The following TGFBR3 variants were observed in gnomAD, a reference collection of about 807,000 sequenced individuals.
The protein encoded by TGFBR3 is transforming growth factor beta receptor 3.
A neutral mutation model predicts 87.9 loss-of-function variants in TGFBR3; 46 were observed. The ratio of observed to expected loss-of-function variants is 0.52; its 90% CI spans 0.41 to 0.67. The LOEUF is 0.67. Among genes scored for constraint, TGFBR3 ranks in the 30% least tolerant of loss-of-function variants. TGFBR3 has a pLI of 0.00. For missense variants in TGFBR3, 866 were observed against 1,041.9 expected, an observed-to-expected ratio of 0.83 and a Z score of 2.32; for synonymous variants, 381 against 391.6, an observed-to-expected ratio of 0.97 and a Z score of 0.32.
intron 3 of TGFBR3, among the ~76,000 whole-genome samples, chr1:91,796,455 C>T (rs534145038): frequency 3.9e-5 from 6 of 152,292 alleles, no homozygotes; most frequent in Non-Finnish European, 5.9e-5. Context: ...TCACCATCTC[C>T]GCTAATGTCA....
chr1:91,691,399 G>C (rs1671260423), intron 16 of TGFBR3, among the ~76,000 whole-genome samples: 3 of 152,174 alleles, frequency 2.0e-5, no homozygotes, highest in Admixed American at 2.0e-4. Context: ...TATACAAAAG[G>C]GATCAGGAAT....
chr1:91,790,709 G>T (rs1644627778), intron 3 of TGFBR3, among the ~76,000 whole-genome samples: 1 of 152,162 alleles, frequency 6.6e-6, no homozygotes, highest in South Asian at 2.1e-4. Flanking sequence ...ATAGCCCTGG[G>T]TTTTTTGTTT....
rs1670945156 is a variant in TGFBR3, at chr1:91,682,508, T to C, written c.*1231A>G. 1 of 453,366 alleles carries C rather than the reference T, an allele frequency of 2.2e-6. No homozygotes were observed. Among genetic ancestry groups the C allele is most frequent in the African/African-American group, 2.0e-5 (1 of 49,786 alleles). 28.1% of individuals were successfully genotyped at this position (453,366 alleles called of 1,614,324 possible). On this transcript the variant is annotated 3_prime_UTR_variant, in exon 17 of 17. Transcript: ENST00000212355. The stretch of plus-strand genomic sequence containing the variant: ...TTAATGAAATTCACCTCAAGCCCTT[T>C]TTGACATATTAAATATATGGGATAT...
At chr1:91,838,458 CTTTT>C (rs539093148) in intron 2 of TGFBR3, among the ~76,000 whole-genome samples, 5 of 125,244 alleles carry the variant, frequency 4.0e-5, no homozygotes, top group Admixed American at 1.6e-4. Context: ...TTGGAAATCT[CTTTT>C]TTTTTTTTTT....
At chr1:91,725,605 CAA>C (rs1470435697) in intron 7 of TGFBR3, among the ~76,000 whole-genome samples, 1 of 152,196 alleles carries the variant, frequency 6.6e-6, no homozygotes, top group African/African-American at 2.4e-5. Context: ...AGGCCCTTAA[CAA>C]GTATTTGGCA....
chr1:91,720,979 T>G (rs975969260), intron 8 of TGFBR3, among the ~76,000 whole-genome samples: 12 of 152,218 alleles, frequency 7.9e-5, no homozygotes, highest in Non-Finnish European at 1.6e-4. Flanking sequence ...GAGAGACGTA[T>G]TTCCATACAA....
Position 91,680,808 on chromosome 1 carries a change from TA to T in TGFBR3, c.*2930del, listed in dbSNP as rs1670884529. ...CACACACACTCACAATCATGCCCAC[TA>T]AGAACACAAGCAGGAAATGGATTTA... On this transcript the variant is annotated 3_prime_UTR_variant, in exon 17 of 17. Coordinates refer to ENST00000212355, the MANE Select transcript of TGFBR3 (RefSeq NM_003243.5). 2.2e-6 allele frequency: 1 copy of T among 452,746 alleles called. No homozygotes were observed. Among genetic ancestry groups the T allele is most frequent in the Admixed American group, 2.4e-5 (1 of 42,482 alleles). 28.0% of individuals were successfully genotyped at this position (452,746 alleles called of 1,614,324 possible).
chr1:91,867,512 C>T (rs1331445877), intron 1 of TGFBR3, among the ~76,000 whole-genome samples: 2 of 152,184 alleles, frequency 1.3e-5, no homozygotes, highest in African/African-American at 4.8e-5. Context: ...CTATCCCAAG[C>T]ACAACACACC....
At chr1:91,797,996 G>A (rs1675452026) in intron 2 of TGFBR3, among the ~76,000 whole-genome samples, 1 of 152,102 alleles carries the variant, frequency 6.6e-6, no homozygotes, top group South Asian at 2.1e-4. Flanking sequence ...CAAAATTTGG[G>A]CCAGAGGTCA....
chr1:91,718,180 C>T (rs980329343), intron 10 of TGFBR3, among the ~76,000 whole-genome samples: 44 of 152,164 alleles, frequency 2.9e-4, no homozygotes, highest in Admixed American at 2.4e-3. Flanking sequence ...ATTAGCCCAT[C>T]CCTGGAGTTT....
chr1:91,850,596 C>T (rs1448269854), intron 2 of TGFBR3, among the ~76,000 whole-genome samples: 1 of 151,972 alleles, frequency 6.6e-6, no homozygotes, highest in Admixed American at 6.6e-5. Flanking sequence ...GCCTAGGCAA[C>T]ACAGTGAGAT....
At chr1:91,894,240 G>C (rs1158221682) in intron 2 of TGFBR3, among the ~76,000 whole-genome samples, 1 of 152,020 alleles carries the variant, frequency 6.6e-6, no homozygotes, top group Non-Finnish European at 1.5e-5. Context: ...CTGTGCCCTG[G>C]AGTCATTCCT....
intron 2 of TGFBR3, among the ~76,000 whole-genome samples, chr1:91,898,123 C>T (rs2101344275): frequency 6.6e-6 from 1 of 151,918 alleles, no homozygotes; most frequent in East Asian, 1.9e-4. Flanking sequence ...ATTACAGATA[C>T]AATTGAAGCC....
At chr1:91,720,293 A>G in intron 8 of TGFBR3, 63 bp from the exon 9 acceptor site, 2 of 1,433,246 alleles carry the variant, frequency 1.4e-6, no homozygotes, top group Non-Finnish European at 1.9e-6. Context: ...CAACATCATT[A>G]CAGGCAGAAC....
At position 91,720,153 on chromosome 1, in the gene TGFBR3, C is replaced by T; in HGVS notation, c.1153G>A (p.Ala385Thr). The T allele has an allele frequency of 1.2e-6, 2 of 1,613,818 alleles. No homozygotes were observed. Among genetic ancestry groups the T allele is most frequent in the Non-Finnish European group, 1.7e-6 (2 of 1,179,914 alleles). Residue 385 changes from alanine (A) to threonine (T), a missense_variant, in exon 9 of 17, where the codon GCC becomes ACC. Coordinates refer to ENST00000212355, the MANE Select transcript of TGFBR3 (RefSeq NM_003243.5). Reference sequence around the variant, plus strand: ...CCCCGGATGGGCGGGTTCTGCAGGGCAGGCAGGGCACCAGGGTCCAGCAGG... The same window carrying T: ...CCCCGGATGGGCGGGTTCTGCAGGGTAGGCAGGGCACCAGGGTCCAGCAGG... The part of the protein sequence containing the change: ...RILLDPGALP[A>T]LQNPPIRGGE...
intron 3 of TGFBR3, among the ~76,000 whole-genome samples, chr1:91,773,257 G>C (rs1318884786): frequency 7.0e-6 from 1 of 142,484 alleles, no homozygotes; most frequent in Admixed American, 7.0e-5. Context: ...TTTTTTTTTG[G>C]CTTAAGTATC....
At chr1:91,784,414 A>T (rs1390140898) in intron 3 of TGFBR3, among the ~76,000 whole-genome samples, 1 of 152,222 alleles carries the variant, frequency 6.6e-6, no homozygotes, top group Non-Finnish European at 1.5e-5. Flanking sequence ...AAAAGACCCA[A>T]GACCTAGTTC....
chr1:91,729,741 C>A (rs762584978), intron 6 of TGFBR3, 64 bp downstream of exon 6: 30 of 1,592,590 alleles, frequency 1.9e-5, no homozygotes, highest in African/African-American at 2.7e-5. Flanking sequence ...CCTCTCCCTG[C>A]CTCAAGTCAA....
intron 10 of TGFBR3, 50 bp downstream of exon 10, chr1:91,719,262 C>T (rs1476308500): frequency 8.1e-6 from 13 of 1,613,550 alleles, no homozygotes; most frequent in Non-Finnish European, 1.0e-5. Flanking sequence ...TAAGGGAGCA[C>T]ACAGCCAGGC....
Sources: allele counts gnomAD v4.1 joint callset (sites outside exome capture counted in the v4.1 genomes callset), GRCh38; gene constraint gnomAD v4.1.1; transcripts MANE v1.5; gene names NCBI Gene and HGNC (gene_info 2026-07-23, HGNC 2026-07-21).